The following PI4K2B variants were observed in gnomAD, a reference collection of about 807,000 sequenced individuals.
PI4K2B encodes phosphatidylinositol 4-kinase type 2 beta, also known as phosphatidylinositol 4-kinase type 2-beta.
PI4K2B carries 46 observed loss-of-function variants against 56.6 expected under a neutral mutation model. That is an observed-to-expected ratio of 0.81 (90% CI 0.64 to 1.04). The LOEUF is 1.04. Ranked by LOEUF, PI4K2B falls within the 50% of genes least tolerant of loss-of-function variation. The pLI is 0.00. For synonymous variants in PI4K2B, 211 were observed against 223.8 expected (o/e 0.94, Z 0.51); for missense variants, 556 against 607.7 (o/e 0.91, Z 0.89).
intron 1 of PI4K2B, among the ~76,000 whole-genome samples, chr4:25,252,005 A>G (rs1716075987): frequency 6.6e-6 from 1 of 152,076 alleles, no homozygotes; most frequent in African/African-American, 2.4e-5. Flanking sequence ...TTGTATTTTT[A>G]GTAGACACGG....
intron 6 of PI4K2B, among the ~76,000 whole-genome samples, chr4:25,261,694 G>A (rs1053030660): frequency 6.6e-6 from 1 of 151,676 alleles, no homozygotes; most frequent in Admixed American, 6.6e-5. Flanking sequence ...TTAAAATTAT[G>A]CTGAGTGAAA....
At chr4:25,269,838 C>T (rs1013728167) in intron 9 of PI4K2B, among the ~76,000 whole-genome samples, 14 of 151,406 alleles carry the variant, frequency 9.2e-5, no homozygotes, top group Admixed American at 3.9e-4. Context: ...CTCAGCCTCC[C>T]GAGTAGCTGG....
intron 1 of PI4K2B, among the ~76,000 whole-genome samples, chr4:25,251,376 T>A (rs1716044304): frequency 6.6e-6 from 1 of 152,286 alleles, no homozygotes; most frequent in South Asian, 2.1e-4. Flanking sequence ...TCCGCTGCCC[T>A]GGTGCAGGCA....
rs1717114270 is a variant in PI4K2B at position 25,276,814 on chromosome 4, T to C, written c.1273-200T>C. The C allele has an allele frequency of 1.4e-5, 11 of 799,306 alleles. No individual in the cohort carries two copies. The South Asian group carries it at 5.8e-4, about 42-fold the overall frequency. 49.5% of individuals were successfully genotyped at this position (799,306 alleles called of 1,614,324 possible). On this transcript the variant is annotated intron_variant, in intron 9 of 9. Transcript: ENST00000264864. ...TTAATGCTAATTGTGTGTGTGTGTG[T>C]GTGCGCGTGTGTGTGTGCGCGTGTG... is the stretch of plus-strand genomic sequence containing the variant.
intron 4 of PI4K2B, chr4:25,258,580 A>T (rs1288504486): frequency 3.8e-6 from 1 of 260,188 alleles, no homozygotes; most frequent in African/African-American, 2.3e-5. Context: ...AAAAAAAAAA[A>T]ATGAAAAAAA....
At position 25,260,610 on chromosome 4, in the gene PI4K2B, TTATA is replaced by T. The variant is rs533544057; in HGVS notation, c.978+48_978+51del. The stretch of plus-strand genomic sequence containing the variant: ...CCATAAGGTAAGGAAATTTACAATT[TTATA>T]TATATATATATATATATATATATAT... On this transcript the variant is annotated intron_variant, in intron 6 of 9. Coordinates refer to ENST00000264864, the MANE Select transcript of PI4K2B (RefSeq NM_018323.4). The T allele has an allele frequency of 0.037, 11,392 of 304,288 alleles. 333 individuals are homozygous for T. The highest frequency in any genetic ancestry group is 0.054 in the East Asian group (695 of 12,946). The allele number at this position is 304,288 out of a possible 1,614,324, so 18.8% of individuals were successfully genotyped here.
rs572020231 is a variant in PI4K2B, at chr4:25,275,296, G to A, written c.1273-1718G>A. Among the ~76,000 whole-genome samples the A allele has an allele frequency of 9.2e-5, 14 of 152,238 alleles. 1 individual carries two copies. The South Asian group carries it at 2.9e-3, about 32-fold the overall frequency. On this transcript the variant is annotated intron_variant, in intron 9 of 9. Transcript: ENST00000264864. ...GTGCACACTTTTATATTCATGGTAG[G>A]AACAATGCTTATAATAAACTCAAAT...
chr4:25,267,327 G>A (rs1716702119), intron 7 of PI4K2B, among the ~76,000 whole-genome samples: 1 of 152,250 alleles, frequency 6.6e-6, no homozygotes. Context: ...TCTACAAGGA[G>A]ATGTGAGCCA....
intron 8 of PI4K2B, 34 bp downstream of exon 8, chr4:25,268,610 A>G (rs1276289799): frequency 7.0e-7 from 1 of 1,438,650 alleles, no homozygotes; most frequent in Non-Finnish European, 9.5e-7. Context: ...ATTGCAGAAA[A>G]TGAAATCTTA....
intron 3 of PI4K2B, 60 bp from the exon 4 acceptor site, chr4:25,256,483 A>G (rs552410377): frequency 5.5e-6 from 8 of 1,458,298 alleles, no homozygotes; most frequent in Middle Eastern, 2.3e-4. Context: ...TTCATGGTGT[A>G]TATGAAAAGA....
intron 1 of PI4K2B, among the ~76,000 whole-genome samples, chr4:25,240,988 C>G (rs970220706): frequency 6.6e-6 from 1 of 152,172 alleles, no homozygotes; most frequent in Non-Finnish European, 1.5e-5. Context: ...GCCACTTATG[C>G]TGCTGTTCTC....
intron 1 of PI4K2B, among the ~76,000 whole-genome samples, chr4:25,247,739 C>T (rs1037219707): frequency 1.3e-5 from 2 of 151,932 alleles, no homozygotes; most frequent in African/African-American, 4.8e-5. Context: ...GGGTCTTATT[C>T]TGACACTCAG....
chr4:25,250,194 C>CAGAGGGAGACCGTGCAAAGA (rs1338065897), intron 1 of PI4K2B, among the ~76,000 whole-genome samples: 1 of 152,010 alleles, frequency 6.6e-6, no homozygotes, highest in African/African-American at 2.4e-5. Context: ...GGCTCCGCAT[C>CAGAGGGAGACCGTGCAAAGA]AGAGGGAGAC....
At chr4:25,236,242 TAAA>T (rs1715257858) in intron 1 of PI4K2B, among the ~76,000 whole-genome samples, 2 of 149,584 alleles carry the variant, frequency 1.3e-5, no homozygotes, top group South Asian at 2.1e-4. Context: ...AATAAATAAA[TAAA>T]TAAATAAATA....
intron 1 of PI4K2B, among the ~76,000 whole-genome samples, chr4:25,238,679 G>C (rs1715374517): frequency 6.6e-6 from 1 of 152,044 alleles, no homozygotes; most frequent in Non-Finnish European, 1.5e-5. Flanking sequence ...CATTCCTCCT[G>C]GTGGGTTCCT....
rs746692963 is a variant in PI4K2B, at chr4:25,269,245, T to C, written c.1272+42T>C. On this transcript the variant is annotated intron_variant, in intron 9 of 9. Coordinates refer to ENST00000264864, the MANE Select transcript of PI4K2B (RefSeq NM_018323.4). The stretch of plus-strand genomic sequence containing the variant: ...TTTGTTCATAAGGAAAAAAATCTCT[T>C]TGAAACAGTAGTCAACTGTTTTCCC... 3.7e-6 allele frequency: 4 copies of C among 1,075,904 alleles called. No individual in the cohort carries two copies. In the South Asian group the frequency reaches 5.2e-5, roughly 14 times the overall value. The allele number at this position is 1,075,904 out of a possible 1,614,324, so 66.6% of individuals were successfully genotyped here.
intron 9 of PI4K2B, chr4:25,276,560 A>T (rs775447983): frequency 1.9e-4 from 135 of 694,580 alleles, no homozygotes; most frequent in Non-Finnish European, 2.4e-4. Context: ...TATCCCTAGC[A>T]CTTACAGCAG....
chr4:25,259,161 T>G lies in PI4K2B; in HGVS notation c.881T>G (p.Val294Gly). 1 of 1,573,390 alleles carries G rather than the reference T, an allele frequency of 6.4e-7. No individual in the cohort carries two copies. Among genetic ancestry groups the G allele is most frequent in the South Asian group, 1.1e-5 (1 of 88,582 alleles). Residue 294 changes from valine (V) to glycine (G), a missense_variant, in exon 5 of 10, where the codon GTT (valine) becomes GGT (glycine). Physicochemically the swap from Val to Gly is moderately radical, Grantham distance 109 (BLOSUM62 -3). Transcript: ENST00000264864. ...KQFQSQFERL[V>G]ILDYIIRNTD... Reference sequence around the variant, plus strand: ...TTTCAGTCACAATTTGAAAGATTAGTTATTTTGGATTACATCATCAGAAAT... The same window carrying G: ...TTTCAGTCACAATTTGAAAGATTAGGTATTTTGGATTACATCATCAGAAAT...
In PI4K2B at chr4:25,256,678, A is replaced by G. The variant is rs749654875; in HGVS notation, c.756+4A>G. The G allele has an allele frequency of 2.5e-6, 4 of 1,612,688 alleles. No individual in the cohort carries two copies. Among genetic ancestry groups the G allele is most frequent in the Admixed American group, 3.3e-5 (2 of 59,762 alleles). On this transcript the variant is annotated splice_donor_region_variant and intron_variant, in intron 4 of 9. Coordinates refer to ENST00000264864, the MANE Select transcript of PI4K2B (RefSeq NM_018323.4). ...TAGGATAGGACTCCCTCCTAAGGTA[A>G]GTTTCTCTGATAAGCTGTATTTAGA... is the stretch of plus-strand genomic sequence containing the variant.
Sources: gnomAD v4.1 joint callset for allele counts (sites outside exome capture counted in the v4.1 genomes callset) on GRCh38, gnomAD v4.1.1 for gene constraint, MANE v1.5 for transcripts, NCBI Gene and HGNC (gene_info 2026-07-23, HGNC 2026-07-21) for gene names.